CATSPERQ: variants seen among roughly 807,000 people sequenced by gnomAD.
The protein encoded by CATSPERQ is cation channel sperm-associated auxiliary subunit theta.
the CATSPERQ span, chr8:144,354,102 C>T: frequency 6.5e-7 from 1 of 1,535,276 alleles, no homozygotes; most frequent in Non-Finnish European, 8.7e-7. This position sits in a 1 kb window ranked among gnomAD's most constrained non-coding sequence, Gnocchi z 4.6. Flanking sequence ...GCCACAGGCC[C>T]ACGCCCACGC....
the CATSPERQ span, chr8:144,353,319 C>G: frequency 6.6e-7 from 1 of 1,504,624 alleles, no homozygotes; most frequent in Non-Finnish European, 8.8e-7. Flanking sequence ...ACCGAGAACA[C>G]AGTCCCGAGG....
chr8:144,353,832 G>A, the CATSPERQ span: 8 of 1,535,436 alleles, frequency 5.2e-6, no homozygotes, highest in South Asian at 5.9e-5. Context: ...TGTGGCCGCC[G>A]AGGACCAGGT....
At chr8:144,354,201 A>C in the CATSPERQ span, 1 of 1,544,718 alleles carries the variant, frequency 6.5e-7, no homozygotes, top group South Asian at 1.2e-5. This position sits in a 1 kb window ranked among gnomAD's most constrained non-coding sequence, Gnocchi z 4.6. Context: ...CCCTCAGGGG[A>C]GGAGGGCGGT....
chr8:144,354,362 C>T, the CATSPERQ span: 5 of 1,524,880 alleles, frequency 3.3e-6, no homozygotes, highest in Non-Finnish European at 4.4e-6. The surrounding 1 kb of genome is among the most constrained non-coding windows in gnomAD (Gnocchi z 4.6). Context: ...GAGGACGCCC[C>T]GGCCCTGCCC....
the CATSPERQ span, chr8:144,353,628 C>A: frequency 6.8e-7 from 1 of 1,460,166 alleles, no homozygotes. Flanking sequence ...CCCGTCCTGC[C>A]CGAAGCCCCG....
chr8:144,354,797 C>G, the CATSPERQ span: 1 of 1,524,272 alleles, frequency 6.6e-7, no homozygotes, highest in South Asian at 1.2e-5. This position sits in a 1 kb window ranked among gnomAD's most constrained non-coding sequence, Gnocchi z 4.6. Flanking sequence ...TCAGCCTGGC[C>G]GCTCGTCCGC....
the CATSPERQ span, chr8:144,353,533 G>A: frequency 6.5e-7 from 1 of 1,530,790 alleles, no homozygotes; most frequent in African/African-American, 1.4e-5. Flanking sequence ...ATTTGCTGTG[G>A]GAGCAGGTGG....
chr8:144,353,735 GTCA>G, the CATSPERQ span: 1 of 1,531,918 alleles, frequency 6.5e-7, no homozygotes, highest in Non-Finnish European at 8.7e-7. Flanking sequence ...AGTGATCGGT[GTCA>G]TCGTGTCCTG....
chr8:144,353,323 C>A, the CATSPERQ span: 1 of 1,516,840 alleles, frequency 6.6e-7, no homozygotes, highest in East Asian at 2.5e-5. Flanking sequence ...AGAACACAGT[C>A]CCGAGGTGGG....
At chr8:144,354,845 G>A in the CATSPERQ span, 8 of 1,487,416 alleles carry the variant, frequency 5.4e-6, no homozygotes, top group Non-Finnish European at 7.1e-6. The surrounding 1 kb of genome is among the most constrained non-coding windows in gnomAD (Gnocchi z 4.6). Context: ...CTCCTACCTC[G>A]GTGAGCAAAT....
chr8:144,353,715 G>A, the CATSPERQ span: 5 of 1,525,028 alleles, frequency 3.3e-6, no homozygotes, highest in Non-Finnish European at 4.4e-6. Context: ...CCCACCCAAA[G>A]ACCTTAAACA....
At chr8:144,353,292 A>T in the CATSPERQ span, 6 of 1,468,564 alleles carry the variant, frequency 4.1e-6, no homozygotes, top group Non-Finnish European at 4.5e-6. Context: ...TCTGCCCCAG[A>T]GTGGGGCTGG....
the CATSPERQ span, chr8:144,354,144 C>T: frequency 2.0e-6 from 3 of 1,534,714 alleles, no homozygotes; most frequent in Non-Finnish European, 2.6e-6. This position sits in a 1 kb window ranked among gnomAD's most constrained non-coding sequence, Gnocchi z 4.6. Flanking sequence ...TCTCTTGCTT[C>T]TGCACCTGCG....
At chr8:144,353,680 T>TTTAC in the CATSPERQ span, 1 of 1,492,782 alleles carries the variant, frequency 6.7e-7, no homozygotes, top group Non-Finnish European at 9.0e-7. Context: ...CCGTGTTGTA[T>TTTAC]TTACCCTCTG....
At chr8:144,354,187 C>G in the CATSPERQ span, 4 of 1,541,790 alleles carry the variant, frequency 2.6e-6, no homozygotes, top group African/African-American at 5.5e-5. The surrounding 1 kb of genome is among the most constrained non-coding windows in gnomAD (Gnocchi z 4.6). Flanking sequence ...CGGCGCGGGG[C>G]CGGCCCTCAG....
At chr8:144,354,221 GC>G in the CATSPERQ span, 16 of 1,546,140 alleles carry the variant, frequency 1.0e-5, no homozygotes, top group Admixed American at 3.1e-4. The surrounding 1 kb of genome is among the most constrained non-coding windows in gnomAD (Gnocchi z 4.6). Context: ...TGGGGGTCGG[GC>G]CCAGGGGCTC....
the CATSPERQ span, chr8:144,353,958 G>A: frequency 6.2e-3 from 9,492 of 1,531,508 alleles, 54 homozygotes; most frequent in South Asian, 9.9e-3. Context: ...CGTTACCATC[G>A]GAGCTGAGCG....
At chr8:144,353,865 T>C in the CATSPERQ span, 1 of 1,534,552 alleles carries the variant, frequency 6.5e-7, no homozygotes, top group Non-Finnish European at 8.7e-7. Flanking sequence ...TTCCGTGGGC[T>C]GCGGGGAGAG....
At chr8:144,354,577 C>CGT in the CATSPERQ span, 1 of 797,570 alleles carries the variant, frequency 1.3e-6, no homozygotes, top group Non-Finnish European at 1.9e-6. This position sits in a 1 kb window ranked among gnomAD's most constrained non-coding sequence, Gnocchi z 4.6. Flanking sequence ...CCGCCCTTCC[C>CGT]AGCCCCGCCC....
Sources: allele counts gnomAD v4.1 joint callset, GRCh38; gene constraint gnomAD v4.1.1; non-coding constraint Gnocchi (gnomAD v3.1); transcripts MANE v1.5; gene names NCBI Gene and HGNC (gene_info 2026-07-23, HGNC 2026-07-21).